FARP1: variants seen among roughly 807,000 people sequenced by gnomAD.
FARP1 encodes the protein FERM, ARHGEF and pleckstrin domain-containing protein 1.
A neutral mutation model predicts 128.8 loss-of-function variants in FARP1; 52 were observed. The observed-to-expected ratio is 0.40, with a 90% confidence interval of 0.32 to 0.51. The LOEUF is 0.51. Ranked by LOEUF, FARP1 falls within the 20% of genes least tolerant of loss-of-function variation. The probability of loss-of-function intolerance (pLI) is 0.45; values close to 1 mark genes in which losing one functional copy is unlikely to be tolerated. For synonymous variants in FARP1, 580 were observed against 551.8 expected, an observed-to-expected ratio of 1.05 and a Z score of -0.72; for missense variants, 1,333 against 1,367.9, an observed-to-expected ratio of 0.97 and a Z score of 0.40.
At chr13:98,161,770 C>G (rs1203803193) in intron 1 of FARP1, among the ~76,000 whole-genome samples, 2 of 151,612 alleles carry the variant, frequency 1.3e-5, no homozygotes, top group East Asian at 1.9e-4. Flanking sequence ...TCCATCGTTC[C>G]TTCCTTCTTT....
chr13:98,262,142 A>G (rs1258119917), intron 2 of FARP1, among the ~76,000 whole-genome samples: 1 of 150,500 alleles, frequency 6.6e-6, no homozygotes, highest in African/African-American at 2.4e-5. Flanking sequence ...CAACCTCCCA[A>G]GTAGCTGGGA....
chr13:98,385,542 C>T (rs1890063255), intron 7 of FARP1, 125 bp from the exon 8 acceptor site: 17 of 1,011,716 alleles, frequency 1.7e-5, no homozygotes, highest in South Asian at 4.1e-5. Flanking sequence ...GTCATCTGAT[C>T]GGGTAGCCCC....
At chr13:98,164,930 A>G (rs1166454392) in intron 1 of FARP1, among the ~76,000 whole-genome samples, 3 of 151,842 alleles carry the variant, frequency 2.0e-5, no homozygotes, top group Non-Finnish European at 4.4e-5. Context: ...AAATACAAAA[A>G]TTAGCTGAGC....
At chr13:98,150,687 A>G (rs1454756149) in intron 1 of FARP1, among the ~76,000 whole-genome samples, 1 of 152,152 alleles carries the variant, frequency 6.6e-6, no homozygotes, top group Admixed American at 6.6e-5. Context: ...CTTTCAAGAG[A>G]TCAGGCTCCA....
At chr13:98,307,071 A>G (rs944093) in intron 2 of FARP1, among the ~76,000 whole-genome samples, 126,883 of 152,122 alleles carry the variant, frequency 0.83, 53,834 homozygotes, top group East Asian at 1. Flanking sequence ...GGCTCAATGT[A>G]CAAATGACAG....
At chr13:98,313,391 G>T (rs537618626) in intron 2 of FARP1, among the ~76,000 whole-genome samples, 1 of 151,354 alleles carries the variant, frequency 6.6e-6, no homozygotes, top group Admixed American at 6.6e-5. Context: ...TGGGGGCAGA[G>T]ACTGCAGTGC....
intron 3 of FARP1, among the ~76,000 whole-genome samples, chr13:98,361,726 C>G (rs955079591): frequency 4.6e-5 from 7 of 152,168 alleles, no homozygotes; most frequent in African/African-American, 1.7e-4. Context: ...GAACCTCCTT[C>G]AATCTGTCAT....
intron 2 of FARP1, among the ~76,000 whole-genome samples, chr13:98,321,403 A>G (rs1236756103): frequency 6.6e-6 from 1 of 152,218 alleles, no homozygotes; most frequent in Non-Finnish European, 1.5e-5. Context: ...ACGCTTAGAC[A>G]AATGGTTGTG....
chr13:98,440,221 G>GC lies in FARP1; in HGVS notation c.2621dup (p.Asp875Ter). On this transcript the variant is annotated frameshift_variant, in exon 23 of 27. Transcript: ENST00000319562. LOFTEE classifies it high-confidence loss of function. The stretch of plus-strand genomic sequence containing the variant: ...CCCGCCCCTGAGTTCCTGGCCAGCA[G>GC]CCCCCCTGACAACAGTGAGTGTGGC... 3 of 1,613,344 alleles carry GC rather than the reference G, an allele frequency of 1.9e-6. No homozygotes were observed. The highest frequency in any genetic ancestry group is 1.7e-6 in the Non-Finnish European group (2 of 1,179,388).
chr13:98,226,664 A>G (rs918933545), intron 2 of FARP1, among the ~76,000 whole-genome samples: 5 of 152,132 alleles, frequency 3.3e-5, no homozygotes, highest in African/African-American at 9.7e-5. Context: ...AGTCTGGGAC[A>G]TTTTCCCAGT....
chr13:98,235,903 A>C (rs1328947670), intron 2 of FARP1, among the ~76,000 whole-genome samples: 1 of 141,162 alleles, frequency 7.1e-6, no homozygotes, highest in Non-Finnish European at 1.5e-5. Context: ...GGCTCACGGC[A>C]ACCTCCGCCT....
At chr13:98,396,568 A>G in intron 13 of FARP1, 1 of 398,800 alleles carries the variant, frequency 2.5e-6, no homozygotes, top group Non-Finnish European at 4.4e-6. Context: ...CATCTGTTCT[A>G]GTGACTCATT....
intron 2 of FARP1, among the ~76,000 whole-genome samples, chr13:98,247,513 T>C (rs1292022835): frequency 6.6e-6 from 1 of 152,174 alleles, no homozygotes; most frequent in Non-Finnish European, 1.5e-5. Flanking sequence ...GGAGTGGAGC[T>C]CACTGGGAGG....
At chr13:98,232,964 A>G (rs9513376) in intron 2 of FARP1, among the ~76,000 whole-genome samples, 45,916 of 152,128 alleles carry the variant, frequency 0.3, 7,350 homozygotes, top group Middle Eastern at 0.48. Context: ...CAGAAGTTCA[A>G]GGGCCTTTGT....
chr13:98,398,961 T>C (rs574188955), intron 13 of FARP1: 1 of 152,238 alleles, frequency 6.6e-6, no homozygotes, highest in African/African-American at 2.4e-5. Flanking sequence ...TGCTTTTTCC[T>C]ACAGCAGTGA....
At chr13:98,287,377 C>T (rs1158679477) in intron 2 of FARP1, among the ~76,000 whole-genome samples, 1 of 151,570 alleles carries the variant, frequency 6.6e-6, no homozygotes, top group East Asian at 2.0e-4. Context: ...CTACAGGCGC[C>T]CGCCACCACA....
At chr13:98,167,501 C>A (rs1323488861) in intron 1 of FARP1, among the ~76,000 whole-genome samples, 1 of 151,542 alleles carries the variant, frequency 6.6e-6, no homozygotes, top group African/African-American at 2.4e-5. Flanking sequence ...CCTCTGCCTC[C>A]CTGGTTCAAG....
intron 1 of FARP1, among the ~76,000 whole-genome samples, chr13:98,153,398 TTA>T (rs1199374830): frequency 4.6e-5 from 4 of 86,952 alleles, no homozygotes; most frequent in Admixed American, 1.6e-4. Context: ...AAATAATACA[TTA>T]TATATAAATA....
chr13:98,351,732 A>ACGC lies in FARP1; in HGVS notation c.276+7867_276+7868insGCC, dbSNP rs1461135744. On this transcript the variant is annotated intron_variant, in intron 3 of 26. Transcript: ENST00000319562. ...ACTCATGGCAGAAGGTGAAGTAGGA[A>ACGC]CAGGCGTGTCATGCTGCAAGAGAGA... Among the ~76,000 whole-genome samples the ACGC allele has an allele frequency of 2.0e-5, 3 of 152,110 alleles. No homozygotes were observed. The East Asian group carries it at 5.8e-4, about 29-fold the overall frequency.
Sources: allele counts gnomAD v4.1 joint callset (sites outside exome capture counted in the v4.1 genomes callset), GRCh38; gene constraint gnomAD v4.1.1; transcripts MANE v1.5; gene names NCBI Gene and HGNC (gene_info 2026-07-23, HGNC 2026-07-21).